Variants in OXSR1 observed in about 807,000 individuals in gnomAD.
OXSR1 encodes oxidative stress responsive kinase 1.
In OXSR1, 24 loss-of-function variants were observed where a neutral mutation model predicts 79.8. That is an observed-to-expected ratio of 0.30 (90% CI 0.22 to 0.42). The LOEUF is 0.42. OXSR1 is among the 10% of genes least tolerant of loss of function. OXSR1 has a pLI of 1.00. For synonymous variants in OXSR1, 226 were observed against 209.2 expected, an observed-to-expected ratio of 1.08 and a Z score of -0.69; for missense variants, 430 against 618.4, an observed-to-expected ratio of 0.70 and a Z score of 3.23.
At chr3:38,233,639 G>C (rs1266915241) in intron 10 of OXSR1, among the ~76,000 whole-genome samples, 2 of 152,154 alleles carry the variant, frequency 1.3e-5, no homozygotes, top group African/African-American at 2.4e-5. Flanking sequence ...TTTGCCAGGA[G>C]TGGTAGCCCA....
At chr3:38,237,546 C>T (rs559448275) in intron 11 of OXSR1, among the ~76,000 whole-genome samples, 2 of 152,234 alleles carry the variant, frequency 1.3e-5, no homozygotes, top group Admixed American at 6.5e-5. Flanking sequence ...CCTTTGACTG[C>T]TTAGGACTGT....
chr3:38,209,149 T>C (rs747599032), intron 4 of OXSR1, among the ~76,000 whole-genome samples: 1 of 152,150 alleles, frequency 6.6e-6, no homozygotes, highest in Non-Finnish European at 1.5e-5. Context: ...TCCTATTTGC[T>C]CAAGGATTAG....
chr3:38,198,823 G>A lies in OXSR1; in HGVS notation c.394G>A (p.Glu132Lys). The A allele has an allele frequency of 6.2e-7, 1 of 1,613,628 alleles. No individual in the cohort carries two copies. Among genetic ancestry groups the A allele is most frequent in the Non-Finnish European group, 8.5e-7 (1 of 1,179,630 alleles). ...TGCTACGATACTCCGAGAAGTACTG[G>A]AAGGGCTGGAATATCTGCATAAAAA... ...TIATILREVL[E>K]GLEYLHKNGQ... Residue 132 changes from glutamate to lysine, a missense_variant, in exon 4 of 18, where the codon GAA becomes AAA. Glu to Lys is a moderately conservative substitution (Grantham distance 56). This residue lies in a region of OXSR1 where 145 missense variants were observed against 228.3 expected (regional missense o/e 0.64). Transcript: ENST00000311806.
intron 10 of OXSR1, chr3:38,230,754 G>A (rs1485767667): frequency 4.5e-6 from 1 of 222,496 alleles, no homozygotes; most frequent in African/African-American, 2.3e-5. Flanking sequence ...ATAAGTCACA[G>A]TACCCTCTTT....
chr3:38,177,547 T>G (rs1701696933), intron 1 of OXSR1, among the ~76,000 whole-genome samples: 1 of 152,120 alleles, frequency 6.6e-6, no homozygotes, highest in Admixed American at 6.6e-5. Context: ...AATATGTTCT[T>G]TTCTTTTCTT....
intron 8 of OXSR1, among the ~76,000 whole-genome samples, chr3:38,227,011 T>A (rs1172891576): frequency 6.6e-6 from 1 of 152,174 alleles, no homozygotes; most frequent in East Asian, 1.9e-4. Flanking sequence ...GTAGGAACTC[T>A]GTACTAGCTT....
At chr3:38,211,004 GC>G (rs752988574) in intron 4 of OXSR1, among the ~76,000 whole-genome samples, 19 of 152,150 alleles carry the variant, frequency 1.2e-4, no homozygotes, top group Non-Finnish European at 2.8e-4. Context: ...GTTGATAGAT[GC>G]AACAAAATTC....
At chr3:38,189,104 T>A (rs1701937937) in intron 2 of OXSR1, among the ~76,000 whole-genome samples, 1 of 152,170 alleles carries the variant, frequency 6.6e-6, no homozygotes. Context: ...TATGTACCTA[T>A]CATCTTGTAC....
At chr3:38,232,583 A>G (rs967365419) in intron 10 of OXSR1, among the ~76,000 whole-genome samples, 2 of 151,890 alleles carry the variant, frequency 1.3e-5, no homozygotes, top group African/African-American at 4.8e-5. Flanking sequence ...GGCAGACCCT[A>G]TCTCTACTAA....
At chr3:38,166,002 G>C in intron 1 of OXSR1, 56 bp downstream of exon 1, 1 of 1,494,096 alleles carries the variant, frequency 6.7e-7, no homozygotes, top group Non-Finnish European at 9.2e-7. Flanking sequence ...GGGGGACACG[G>C]GAACGTGGGG....
Position 38,190,776 on chromosome 3 carries a change from T to C in OXSR1, c.229T>C (p.Ser77Pro). The C allele has an allele frequency of 6.2e-7, 1 of 1,609,858 alleles. No individual in the cohort carries two copies. Among genetic ancestry groups the C allele is most frequent in the Non-Finnish European group, 8.5e-7 (1 of 1,176,244 alleles). ...MSQCHHPNIV[S>P]YYTSFVVKDE... The stretch of plus-strand genomic sequence containing the variant: ...TCAATGCCATCATCCTAATATTGTA[T>C]CTTACTACACATCTTTTGTGGTAAA... Residue 77 changes from serine to proline, a missense_variant, in exon 3 of 18, where the codon TCT becomes CCT. Around this residue, in one of 3 missense-constraint regions of OXSR1, gnomAD observed 145 missense variants for 228.3 expected, o/e 0.64. Coordinates refer to ENST00000311806, the MANE Select transcript of OXSR1 (RefSeq NM_005109.3).
intron 1 of OXSR1, among the ~76,000 whole-genome samples, chr3:38,171,662 A>G (rs1701584251): frequency 6.6e-6 from 1 of 151,930 alleles, no homozygotes; most frequent in Non-Finnish European, 1.5e-5. Context: ...GAAAATTCAA[A>G]GGACTTTTTT....
At chr3:38,172,107 C>T (rs1701593888) in intron 1 of OXSR1, among the ~76,000 whole-genome samples, 1 of 152,066 alleles carries the variant, frequency 6.6e-6, no homozygotes, top group South Asian at 2.1e-4. Flanking sequence ...TTTTTTTACC[C>T]TTCCCCTTGT....
At position 38,179,870 on chromosome 3, in the gene OXSR1, G is replaced by A. The variant is rs181631605; in HGVS notation, c.71-3133G>A. On this transcript the variant is annotated intron_variant, in intron 1 of 17. Coordinates refer to ENST00000311806, the MANE Select transcript of OXSR1 (RefSeq NM_005109.3). Reference sequence around the variant, plus strand: ...GTTGCCCAGGCTGGAGGAAAGTGGCGCAATCTCAGCTCACTGTAACCTCCA... The same window carrying A: ...GTTGCCCAGGCTGGAGGAAAGTGGCACAATCTCAGCTCACTGTAACCTCCA... 3.3e-5 allele frequency among the ~76,000 whole-genome samples: 5 copies of A among 151,584 alleles called. No individual in the cohort carries two copies. In the East Asian group the frequency reaches 5.8e-4, roughly 18 times the overall value.
Position 38,250,034 on chromosome 3 carries a change from GA to G in OXSR1, c.1375+17del. 6.6e-7 allele frequency: 1 copy of G among 1,517,794 alleles called. No individual in the cohort carries two copies. Among genetic ancestry groups the G allele is most frequent in the Non-Finnish European group, 9.1e-7 (1 of 1,094,554 alleles). The allele number at this position is 1,517,794 out of a possible 1,614,324, so 94.0% of individuals were successfully genotyped here. Reference sequence around the variant, plus strand: ...CCTGGGAGAGGTGAGGCATCAAATGGATTGAAAACAAAATAGCTTCCAATTT... The same window carrying G: ...CCTGGGAGAGGTGAGGCATCAAATGGTTGAAAACAAAATAGCTTCCAATTT... On this transcript the variant is annotated intron_variant, in intron 15 of 17. Transcript: ENST00000311806.
Position 38,236,952 on chromosome 3 carries a change from A to T in OXSR1, c.1065A>T (p.Ser355=), listed in dbSNP as rs768891181. 1 of 1,611,818 alleles carries T rather than the reference A, an allele frequency of 6.2e-7. No homozygotes were observed. The highest frequency in any genetic ancestry group is 1.1e-5 in the South Asian group (1 of 90,810). Residue 355 remains serine, a synonymous_variant, in exon 11 of 18, where the codon TCA becomes TCT. Coordinates refer to ENST00000311806, the MANE Select transcript of OXSR1 (RefSeq NM_005109.3). The part of the protein sequence containing the change: ...EESEEGKAAI[S]QLRSPRVKES... ...GTGAGGAAGGGAAAGCAGCAATTTC[A>T]CAACTCAGGGTAAATTTTATTAAAC...
At chr3:38,244,287 A>G (rs573235043) in intron 12 of OXSR1, among the ~76,000 whole-genome samples, 62 of 152,282 alleles carry the variant, frequency 4.1e-4, no homozygotes, top group African/African-American at 1.3e-3. Flanking sequence ...TAAAATTCAC[A>G]TAATGTAAAA....
At chr3:38,211,509 A>G (rs1212336836) in intron 4 of OXSR1, among the ~76,000 whole-genome samples, 2 of 152,240 alleles carry the variant, frequency 1.3e-5, no homozygotes, top group Admixed American at 6.5e-5. Context: ...TGTAAAGACA[A>G]TTAGGTCTTA....
intron 4 of OXSR1, among the ~76,000 whole-genome samples, chr3:38,201,516 C>A (rs1575330678): frequency 6.6e-6 from 1 of 152,096 alleles, no homozygotes; most frequent in African/African-American, 2.4e-5. Flanking sequence ...TGAGACCATC[C>A]TGGCTAACAC....
Sources: gnomAD v4.1 joint callset for allele counts (sites outside exome capture counted in the v4.1 genomes callset) on GRCh38, gnomAD v4.1.1 for gene constraint, gnomAD v4.1.1 regional missense constraint, MANE v1.5 for transcripts, NCBI Gene and HGNC (gene_info 2026-07-23, HGNC 2026-07-21) for gene names.